The following TACR1 variants were observed in gnomAD, a reference collection of about 807,000 sequenced individuals.
TACR1 encodes the protein tachykinin receptor 1.
A neutral mutation model predicts 35.8 loss-of-function variants in TACR1; 25 were observed. The ratio of observed to expected loss-of-function variants is 0.70; its 90% confidence interval spans 0.51 to 0.98. TACR1 has a LOEUF of 0.98. TACR1 is among the 50% of genes least tolerant of loss of function. The pLI is 0.00. For missense variants in TACR1, 478 were observed against 522.9 expected (o/e 0.91, Z 0.84); for synonymous variants, 195 against 206.7 (o/e 0.94, Z 0.48).
chr2:75,067,326 G>A (rs911601462), intron 2 of TACR1, among the ~76,000 whole-genome samples: 1 of 152,146 alleles, frequency 6.6e-6, no homozygotes, highest in African/African-American at 2.4e-5. Context: ...TTCAGGTTTG[G>A]GGCCAGCCGT....
At chr2:75,117,770 A>G (rs908358325) in intron 2 of TACR1, among the ~76,000 whole-genome samples, 5 of 152,240 alleles carry the variant, frequency 3.3e-5, no homozygotes, top group African/African-American at 1.2e-4. Context: ...GCAAAATCAT[A>G]TAACACAGAT....
In TACR1 at chr2:75,198,529, A is replaced by C. The variant is rs1202100872; in HGVS notation, c.389+17T>G. The C allele has an allele frequency of 1.2e-6, 2 of 1,605,938 alleles. No individual in the cohort carries two copies. Among genetic ancestry groups the C allele is most frequent in the Non-Finnish European group, 1.7e-6 (2 of 1,173,296 alleles). On this transcript the variant is annotated intron_variant, in intron 1 of 4. Coordinates refer to ENST00000305249, the MANE Select transcript of TACR1 (RefSeq NM_001058.4). ...TCTATGAGCACTTTCTCGCCTTTTC[A>C]CAAAGGCTAATCTCACCTATCAAAG...
chr2:75,082,384 T>C (rs557701328), intron 2 of TACR1, among the ~76,000 whole-genome samples: 34 of 152,368 alleles, frequency 2.2e-4, no homozygotes, highest in Non-Finnish European at 4.6e-4. Context: ...ACAATAAACA[T>C]ACGTGTGCAT....
chr2:75,175,312 C>T (rs1675386290), intron 1 of TACR1, among the ~76,000 whole-genome samples: 1 of 152,166 alleles, frequency 6.6e-6, no homozygotes, highest in Non-Finnish European at 1.5e-5. Context: ...AATGTCCCTC[C>T]AGATATTCAT....
chr2:75,056,925 C>T (rs527261094), intron 2 of TACR1, among the ~76,000 whole-genome samples: 1 of 151,996 alleles, frequency 6.6e-6, no homozygotes, highest in Non-Finnish European at 1.5e-5. Flanking sequence ...GTATAGACAC[C>T]AAAAATTGAA....
chr2:75,185,343 CAA>C (rs1675666028), intron 1 of TACR1, among the ~76,000 whole-genome samples: 1 of 151,422 alleles, frequency 6.6e-6, no homozygotes, highest in South Asian at 2.1e-4. Context: ...TGCATAATAA[CAA>C]AGAGAAAGCA....
intron 2 of TACR1, among the ~76,000 whole-genome samples, chr2:75,112,315 CTTG>C (rs1463068899): frequency 1.3e-5 from 2 of 151,762 alleles, no homozygotes; most frequent in African/African-American, 4.8e-5. Flanking sequence ...AAAATTAATT[CTTG>C]TTGTTTATTA....
At chr2:75,096,804 TTC>T (rs1297938668) in intron 2 of TACR1, among the ~76,000 whole-genome samples, 1 of 152,158 alleles carries the variant, frequency 6.6e-6, no homozygotes, top group Non-Finnish European at 1.5e-5. Context: ...GTATCTCAAC[TTC>T]TCTCTTTACC....
At chr2:75,152,456 G>A (rs746896557) in intron 1 of TACR1, among the ~76,000 whole-genome samples, 13 of 152,090 alleles carry the variant, frequency 8.5e-5, no homozygotes, top group Admixed American at 2.6e-4. Flanking sequence ...TTCTTTTGCC[G>A]CTGCCAAGTA....
At chr2:75,111,517 CT>C (rs907056363) in intron 2 of TACR1, among the ~76,000 whole-genome samples, 2 of 151,970 alleles carry the variant, frequency 1.3e-5, no homozygotes, top group Admixed American at 6.6e-5. Context: ...GGAGACTAGT[CT>C]TTGTAATAGA....
At chr2:75,124,821 A>AGTT (rs1674041761) in intron 1 of TACR1, among the ~76,000 whole-genome samples, 1 of 152,184 alleles carries the variant, frequency 6.6e-6, no homozygotes, top group Non-Finnish European at 1.5e-5. Flanking sequence ...GAGCAGGAGG[A>AGTT]ATTAGAACCA....
At chr2:75,126,330 T>C (rs1261102993) in intron 1 of TACR1, among the ~76,000 whole-genome samples, 2 of 152,180 alleles carry the variant, frequency 1.3e-5, no homozygotes, top group African/African-American at 4.8e-5. Context: ...CCATCTGTCA[T>C]TGATGGGCAT....
intron 1 of TACR1, among the ~76,000 whole-genome samples, chr2:75,166,404 G>A (rs1249124358): frequency 6.6e-6 from 1 of 152,196 alleles, no homozygotes; most frequent in South Asian, 2.1e-4. Context: ...ATATTTTAAT[G>A]TGTTTTAATA....
At chr2:75,144,958 TA>T (rs1221903211) in intron 1 of TACR1, among the ~76,000 whole-genome samples, 1 of 152,070 alleles carries the variant, frequency 6.6e-6, no homozygotes, top group African/African-American at 2.4e-5. Context: ...GGGGTAGGTT[TA>T]GGAGATAAAA....
At chr2:75,128,740 T>C (rs565549105) in intron 1 of TACR1, among the ~76,000 whole-genome samples, 2 of 152,298 alleles carry the variant, frequency 1.3e-5, no homozygotes, top group South Asian at 2.1e-4. Flanking sequence ...CATTTCCAGC[T>C]TGAGGGCTCC....
intron 1 of TACR1, among the ~76,000 whole-genome samples, chr2:75,138,201 G>C (rs1462849647): frequency 6.6e-6 from 1 of 152,224 alleles, no homozygotes; most frequent in African/African-American, 2.4e-5. Context: ...AGGGGTATGT[G>C]AGTGTTCCAT....
At chr2:75,194,987 G>T (rs1675929990) in intron 1 of TACR1, among the ~76,000 whole-genome samples, 1 of 152,094 alleles carries the variant, frequency 6.6e-6, no homozygotes, top group South Asian at 2.1e-4. Flanking sequence ...GTACTTGCCA[G>T]AGCATCATAA....
chr2:75,050,991 T>C (rs1421345197), intron 4 of TACR1: 1 of 500,696 alleles, frequency 2.0e-6, no homozygotes, highest in Non-Finnish European at 3.6e-6. Context: ...CCAGTATTTA[T>C]GAATCAGAAG....
intron 1 of TACR1, among the ~76,000 whole-genome samples, chr2:75,196,574 C>T (rs1316495668): frequency 6.6e-6 from 1 of 152,120 alleles, no homozygotes; most frequent in Non-Finnish European, 1.5e-5. Flanking sequence ...CGGGGCTCTG[C>T]GGTGGTTTAC....
Sources: allele counts gnomAD v4.1 joint callset (sites outside exome capture counted in the v4.1 genomes callset), GRCh38; gene constraint gnomAD v4.1.1; transcripts MANE v1.5; gene names NCBI Gene and HGNC (gene_info 2026-07-23, HGNC 2026-07-21).